The following TRPC4 variants were observed in gnomAD, a reference collection of about 807,000 sequenced individuals.
TRPC4 encodes the protein short transient receptor potential channel 4.
A neutral mutation model predicts 99.4 loss-of-function variants in TRPC4; 49 were observed. The observed-to-expected ratio is 0.49, with a 90% CI of 0.39 to 0.63. The LOEUF (loss-of-function observed/expected upper bound fraction) is 0.63. Among genes scored for constraint, TRPC4 ranks in the 20% least tolerant of loss-of-function variants. TRPC4 has a pLI of 0.00. For synonymous variants in TRPC4, 454 were observed against 425.9 expected, an observed-to-expected ratio of 1.07 and a Z score of -0.81; for missense variants, 898 against 1,152.9, an observed-to-expected ratio of 0.78 and a Z score of 3.20.
At chr13:37,808,483 C>T (rs1222144330) in intron 1 of TRPC4, among the ~76,000 whole-genome samples, 1 of 151,970 alleles carries the variant, frequency 6.6e-6, no homozygotes, top group Admixed American at 6.6e-5. Flanking sequence ...CCACCCAGCT[C>T]CCCCTTCCAT....
rs900834795 is a variant in TRPC4, at chr13:37,634,687, A to G, written c.*2216T>C. Among the ~76,000 whole-genome samples, 4 of 152,098 alleles carry G rather than the reference A, an allele frequency of 2.6e-5. No individual in the cohort carries two copies. Among genetic ancestry groups the G allele is most frequent in the Non-Finnish European group, 5.9e-5 (4 of 68,002 alleles). ...TTATGTATAGTGTCCTTACTTTGGG[A>G]AAAAACAAAATAAAACAACAACGCA... On this transcript the variant is annotated 3_prime_UTR_variant, in exon 11 of 11. Coordinates refer to ENST00000379705, the MANE Select transcript of TRPC4 (RefSeq NM_016179.4).
chr13:37,685,509 C>T (rs770689565), intron 4 of TRPC4, among the ~76,000 whole-genome samples: 3 of 152,142 alleles, frequency 2.0e-5, no homozygotes, highest in Non-Finnish European at 4.4e-5. Flanking sequence ...TTAAATTACT[C>T]AGCACAGTGC....
chr13:37,685,045 GTGA>G (rs1387308912), intron 4 of TRPC4, among the ~76,000 whole-genome samples: 12 of 152,206 alleles, frequency 7.9e-5, no homozygotes, highest in African/African-American at 2.9e-4. Context: ...GATACTGGTG[GTGA>G]TGTGAGGGTG....
At position 37,674,261 on chromosome 13, in the gene TRPC4, T is replaced by C; in HGVS notation, c.1341A>G (p.Ala447=). 1 of 1,594,260 alleles carries C rather than the reference T, an allele frequency of 6.3e-7. No homozygotes were observed. Among genetic ancestry groups the C allele is most frequent in the Non-Finnish European group, 8.5e-7 (1 of 1,172,920 alleles). ...ATGCAACAATTTTCAAGGAGATTGT[T>C]GCTAAATATAAGGAGTTCATTACAA... ...MDFVMNSLYL[A]TISLKIVAFV... The change falls in exon 5 of 11, where the codon GCA becomes GCG. Residue 447 remains alanine, a synonymous_variant. Transcript: ENST00000379705.
chr13:37,772,799 T>C (rs1187765909), intron 2 of TRPC4, among the ~76,000 whole-genome samples: 1 of 151,758 alleles, frequency 6.6e-6, no homozygotes, highest in African/African-American at 2.4e-5. Flanking sequence ...CTGTCAGGTT[T>C]CAGTTTAGAA....
intron 6 of TRPC4, among the ~76,000 whole-genome samples, chr13:37,656,723 G>A (rs1325197429): frequency 6.6e-6 from 1 of 152,178 alleles, no homozygotes; most frequent in East Asian, 1.9e-4. Flanking sequence ...TGGAATGACG[G>A]GATGCCAAAG....
At chr13:37,745,517 T>C (rs887528719) in intron 3 of TRPC4, among the ~76,000 whole-genome samples, 4 of 114,098 alleles carry the variant, frequency 3.5e-5, no homozygotes, top group African/African-American at 1.4e-4. Context: ...TGTATATATA[T>C]ACGTATATAT....
intron 1 of TRPC4, among the ~76,000 whole-genome samples, chr13:37,816,150 G>A (rs1042784487): frequency 2.0e-5 from 3 of 151,680 alleles, no homozygotes; most frequent in African/African-American, 4.8e-5. Flanking sequence ...ACATCAAAAC[G>A]TTAGAAATAT....
At chr13:37,845,655 T>A in intron 1 of TRPC4, among the ~76,000 whole-genome samples, 1 of 150,124 alleles carries the variant, frequency 6.7e-6, no homozygotes, top group Non-Finnish European at 1.5e-5. Flanking sequence ...ATGAAGAGGG[T>A]CTATAGGAAT....
chr13:37,684,794 T>TACACACAC (rs57132536), intron 4 of TRPC4, among the ~76,000 whole-genome samples: 92 of 140,754 alleles, frequency 6.5e-4, no homozygotes, highest in Admixed American at 1.8e-3. Context: ...GAGTACCCCT[T>TACACACAC]ACACACACAC....
At chr13:37,723,552 GTTTT>G (rs1218173418) in intron 3 of TRPC4, among the ~76,000 whole-genome samples, 1 of 151,978 alleles carries the variant, frequency 6.6e-6, no homozygotes, top group South Asian at 2.1e-4. Flanking sequence ...GCAAATTATT[GTTTT>G]TTTGTTTTGT....
chr13:37,750,577 T>C (rs559188461), intron 2 of TRPC4, among the ~76,000 whole-genome samples: 9 of 152,280 alleles, frequency 5.9e-5, no homozygotes, highest in African/African-American at 2.2e-4. Context: ...TTTCGGAATA[T>C]TGAAACATTC....
chr13:37,855,308 T>C (rs1959159714), intron 1 of TRPC4, among the ~76,000 whole-genome samples: 1 of 147,482 alleles, frequency 6.8e-6, no homozygotes, highest in Non-Finnish European at 1.5e-5. Flanking sequence ...TATATATATA[T>C]ATATACACAT....
intron 6 of TRPC4, among the ~76,000 whole-genome samples, chr13:37,658,001 T>C (rs945701784): frequency 6.6e-6 from 1 of 152,164 alleles, no homozygotes; most frequent in Non-Finnish European, 1.5e-5. Context: ...ATTGTTCAGA[T>C]AACAGGTGGA....
At chr13:37,761,543 G>A (rs1356336415) in intron 2 of TRPC4, among the ~76,000 whole-genome samples, 1 of 151,892 alleles carries the variant, frequency 6.6e-6, no homozygotes, top group Admixed American at 6.6e-5. Context: ...ATTTCCAAAT[G>A]TAGTCATTTA....
intron 3 of TRPC4, among the ~76,000 whole-genome samples, chr13:37,722,452 G>A (rs1954903466): frequency 6.6e-6 from 1 of 152,158 alleles, no homozygotes; most frequent in Admixed American, 6.6e-5. Context: ...CTCCGTACTG[G>A]TAAACATCCC....
At chr13:37,814,214 A>G (rs1957780427) in intron 1 of TRPC4, among the ~76,000 whole-genome samples, 1 of 151,804 alleles carries the variant, frequency 6.6e-6, no homozygotes. Flanking sequence ...ACACACAGCT[A>G]AAATCATACT....
intron 3 of TRPC4, among the ~76,000 whole-genome samples, chr13:37,744,045 A>C (rs1242415231): frequency 6.6e-6 from 1 of 152,166 alleles, no homozygotes; most frequent in Admixed American, 6.6e-5. Flanking sequence ...CATTTCATGA[A>C]TTGTACATCT....
At chr13:37,749,331 T>C (rs1052160662) in intron 2 of TRPC4, among the ~76,000 whole-genome samples, 2 of 152,104 alleles carry the variant, frequency 1.3e-5, no homozygotes, top group Admixed American at 1.3e-4. Flanking sequence ...ATTACATAAT[T>C]ATAATTATTT....
Sources: gnomAD v4.1 joint callset for allele counts (sites outside exome capture counted in the v4.1 genomes callset) on GRCh38, gnomAD v4.1.1 for gene constraint, MANE v1.5 for transcripts, NCBI Gene and HGNC (gene_info 2026-07-23, HGNC 2026-07-21) for gene names.